Variants in PCDH7 observed in about 807,000 individuals in gnomAD.
The protein encoded by PCDH7 is protocadherin 7.
In PCDH7, 17 loss-of-function variants were observed where a neutral mutation model predicts 58.9. The ratio of observed to expected loss-of-function variants is 0.29; its 90% CI spans 0.20 to 0.43. PCDH7 has a LOEUF of 0.43. Among genes scored for constraint, PCDH7 ranks in the 20% least tolerant of loss-of-function variants. The pLI, the probability that PCDH7 is intolerant of heterozygous loss-of-function variation, is 1.00. For missense variants in PCDH7, 1,274 were observed against 1,441.0 expected (o/e 0.88, Z 1.88); for synonymous variants, 664 against 616.4 (o/e 1.08, Z -1.14).
At chr4:30,885,174 T>C (rs1737539582) in intron 1 of PCDH7, 1 of 152,162 alleles carries the variant, frequency 6.6e-6, no homozygotes, top group Non-Finnish European at 1.5e-5. Flanking sequence ...TTTGGACTCA[T>C]GGGAGCACCC....
chr4:30,740,633 T>C (rs1353459316), intron 1 of PCDH7, among the ~76,000 whole-genome samples: 1 of 152,078 alleles, frequency 6.6e-6, no homozygotes, highest in Non-Finnish European at 1.5e-5. Context: ...TTTTTAAAAG[T>C]ACATTTTGTT....
intron 3 of PCDH7, among the ~76,000 whole-genome samples, chr4:31,090,095 C>T (rs1012506910): frequency 6.6e-6 from 1 of 152,016 alleles, no homozygotes; most frequent in African/African-American, 2.4e-5. Flanking sequence ...GCCAAGTCAG[C>T]AGGCTATGAG....
At chr4:30,781,125 A>AT (rs1397712520) in intron 1 of PCDH7, among the ~76,000 whole-genome samples, 1 of 151,910 alleles carries the variant, frequency 6.6e-6, no homozygotes, top group Non-Finnish European at 1.5e-5. Context: ...ATACATACAT[A>AT]TGGTATTCTT....
chr4:30,980,092 C>A (rs527744037), intron 3 of PCDH7, among the ~76,000 whole-genome samples: 1 of 152,218 alleles, frequency 6.6e-6, no homozygotes, highest in East Asian at 1.9e-4. Flanking sequence ...GAATAAGGAG[C>A]CTTCTGATTT....
In PCDH7 at chr4:30,810,410, T is replaced by G. The variant is rs1215531695; in HGVS notation, c.70+85814T>G. Among the ~76,000 whole-genome samples the G allele has an allele frequency of 2.1e-5, 3 of 141,848 alleles. No individual in the cohort carries two copies. The East Asian group carries it at 6.4e-4, about 30-fold the overall frequency. The allele number at this position is 141,848 out of a possible 152,430, so 93.1% of individuals were successfully genotyped here. Reference sequence around the variant, plus strand: ...AATAACTAATTGGATCTGCACTTAATATAATACATTTCATTTTTTAGCTTT... The same window carrying G: ...AATAACTAATTGGATCTGCACTTAAGATAATACATTTCATTTTTTAGCTTT... On this transcript the variant is annotated intron_variant, in intron 1 of 3. Transcript: ENST00000509759.
rs1328703750 is a variant in PCDH7, at chr4:30,721,762, G to A, written c.340G>A (p.Val114Met). ...GAACGAGTGCTTCCTGGACTTCGAG[G>A]TGTCGGTGATCGGGCCCTCGCAGAG... Residue 114 changes from valine to methionine, a missense_variant, in exon 1 of 2, where the codon GTG becomes ATG. By Grantham distance (21) the Val-to-Met change is conservative. This residue lies in a region of PCDH7 where 212 missense variants were observed against 255.8 expected (regional missense o/e 0.83). Transcript: ENST00000361762. The surrounding 1 kb of genome is among the most constrained non-coding windows in gnomAD (Gnocchi z 6.7). The A allele has an allele frequency of 6.2e-7, 1 of 1,613,880 alleles. No individual in the cohort carries two copies. Among genetic ancestry groups the A allele is most frequent in the South Asian group, 1.1e-5 (1 of 91,066 alleles).
At chr4:30,909,514 C>G (rs1427992249) in intron 1 of PCDH7, among the ~76,000 whole-genome samples, 1 of 152,192 alleles carries the variant, frequency 6.6e-6, no homozygotes, top group East Asian at 1.9e-4. Flanking sequence ...GCAAAAATCA[C>G]AAGCATTCCT....
exon 1 of PCDH7, chr4:30,724,320 T>C (rs772945249): frequency 1.2e-6 from 2 of 1,613,998 alleles, no homozygotes; most frequent in South Asian, 1.1e-5. Flanking sequence ...GGTATGATAG[T>C]GTCAATGAGA....
chr4:30,956,397 T>C (rs1731397378), intron 3 of PCDH7, among the ~76,000 whole-genome samples: 1 of 152,198 alleles, frequency 6.6e-6, no homozygotes, highest in Admixed American at 6.5e-5. Context: ...TGTTAGCCAA[T>C]GCTGTAGTGT....
chr4:30,955,399 A>G (rs998508574), intron 3 of PCDH7, among the ~76,000 whole-genome samples: 1 of 152,144 alleles, frequency 6.6e-6, no homozygotes, highest in East Asian at 1.9e-4. Flanking sequence ...GATACATAGA[A>G]TAGTCTGTGT....
chr4:30,760,054 CTGA>C, intron 1 of PCDH7, among the ~76,000 whole-genome samples: 1 of 151,968 alleles, frequency 6.6e-6, no homozygotes, highest in Non-Finnish European at 1.5e-5. Context: ...ATGAAAGCTA[CTGA>C]TAAGAAAAAA....
chr4:31,066,879 A>G (rs1162002196), intron 3 of PCDH7, among the ~76,000 whole-genome samples: 1 of 151,970 alleles, frequency 6.6e-6, no homozygotes, highest in African/African-American at 2.4e-5. Flanking sequence ...CCATAAATCC[A>G]TTAATTTAAT....
At chr4:30,818,836 T>C (rs1020787681) in intron 1 of PCDH7, among the ~76,000 whole-genome samples, 3 of 152,286 alleles carry the variant, frequency 2.0e-5, no homozygotes, top group African/African-American at 7.2e-5. Context: ...TGAAATCCAA[T>C]GGACTACTGG....
At chr4:30,810,539 G>A (rs1199260973) in intron 1 of PCDH7, among the ~76,000 whole-genome samples, 1 of 150,430 alleles carries the variant, frequency 6.6e-6, no homozygotes, top group Admixed American at 6.6e-5. Context: ...GAAAACTCTT[G>A]TAAATTATGA....
At chr4:30,985,253 G>A (rs919136142) in intron 3 of PCDH7, among the ~76,000 whole-genome samples, 4 of 152,104 alleles carry the variant, frequency 2.6e-5, no homozygotes, top group Non-Finnish European at 4.4e-5. Context: ...CACCATGCTC[G>A]GCCCTTATAT....
intron 3 of PCDH7, among the ~76,000 whole-genome samples, chr4:30,973,214 A>T (rs1481535819): frequency 6.6e-6 from 1 of 152,186 alleles, no homozygotes; most frequent in Non-Finnish European, 1.5e-5. Context: ...GATTGAACAG[A>T]TTTTAGATAG....
chr4:30,943,131 A>G (rs564841912), intron 2 of PCDH7, among the ~76,000 whole-genome samples: 1 of 152,002 alleles, frequency 6.6e-6, no homozygotes, highest in East Asian at 1.9e-4. Context: ...CTATTTTTAA[A>G]TCACTTTCAT....
intron 3 of PCDH7, among the ~76,000 whole-genome samples, chr4:31,039,002 G>A (rs1755632776): frequency 6.6e-6 from 1 of 152,070 alleles, no homozygotes; most frequent in African/African-American, 2.4e-5. Context: ...CATATACCAA[G>A]TGCTTAATAT....
intron 1 of PCDH7, among the ~76,000 whole-genome samples, chr4:30,824,849 G>A (rs1037158380): frequency 6.6e-6 from 1 of 152,110 alleles, no homozygotes; most frequent in Admixed American, 6.6e-5. Flanking sequence ...AATTATTTGA[G>A]ATCTGTGTTG....
Sources: allele counts gnomAD v4.1 joint callset (sites outside exome capture counted in the v4.1 genomes callset), GRCh38; gene constraint gnomAD v4.1.1; regional missense constraint gnomAD v4.1.1; non-coding constraint Gnocchi (gnomAD v3.1); transcripts MANE v1.5; gene names NCBI Gene and HGNC (gene_info 2026-07-23, HGNC 2026-07-21).